NSUN6: variants seen among roughly 807,000 people sequenced by gnomAD.
NSUN6 encodes tRNA (cytosine(72)-C(5))-methyltransferase NSUN6.
NSUN6 carries 64 observed loss-of-function variants against 58.0 expected under a neutral mutation model. That is an observed-to-expected ratio of 1.10 (90% CI 0.90 to 1.36). NSUN6 has a LOEUF of 1.36. Among genes scored for constraint, NSUN6 ranks in the 40% most tolerant of loss-of-function variants. The pLI, the probability that NSUN6 is intolerant of heterozygous loss-of-function variation, is 0.00. For synonymous variants in NSUN6, 231 were observed against 193.9 expected, an observed-to-expected ratio of 1.19 and a Z score of -1.59; for missense variants, 701 against 550.1, an observed-to-expected ratio of 1.27 and a Z score of -2.74.
chr10:18,622,531 T>C (rs554349357), intron 3 of NSUN6, among the ~76,000 whole-genome samples: 56 of 152,270 alleles, frequency 3.7e-4, no homozygotes, highest in African/African-American at 1.3e-3. Context: ...CTGGCCAACA[T>C]GGTGAAACCC....
intron 8 of NSUN6, among the ~76,000 whole-genome samples, chr10:18,556,197 G>A (rs1281884372): frequency 6.6e-6 from 1 of 150,518 alleles, no homozygotes; most frequent in African/African-American, 2.4e-5. Flanking sequence ...ATGGAATGAA[G>A]AATGAAGAAT....
chr10:18,636,965 T>TC (rs1469071041), intron 3 of NSUN6, among the ~76,000 whole-genome samples: 1 of 9,180 alleles, frequency 1.1e-4, no homozygotes, highest in African/African-American at 4.3e-4. Context: ...GGAATTGACT[T>TC]TTTTTTTTTT....
Position 18,546,099 on chromosome 10 carries a change from C to G in NSUN6, c.1244G>C (p.Cys415Ser), listed in dbSNP as rs754536394. 1.9e-6 allele frequency: 3 copies of G among 1,612,988 alleles called. No homozygotes were observed. Among genetic ancestry groups the G allele is most frequent in the Non-Finnish European group, 2.5e-6 (3 of 1,179,598 alleles). ...GEGMRGAGLSCEQLKQLQRFD... is the reference protein window; with the variant it reads ...GEGMRGAGLSSEQLKQLQRFD... ...TCGCTGCAGCTGTTTCAACTGTTCA[C>G]ATGAGAGCCCAGCTCCCCTCATTCC... Residue 415 changes from cysteine (C) to serine (S), a missense_variant, in exon 11 of 11, where the codon TGT (cysteine) becomes TCT (serine). Transcript: ENST00000377304.
intron 3 of NSUN6, among the ~76,000 whole-genome samples, chr10:18,637,310 A>C (rs1253453045): frequency 6.6e-6 from 1 of 152,122 alleles, no homozygotes; most frequent in African/African-American, 2.4e-5. Flanking sequence ...ATCCTAAATA[A>C]TTTTTTCAAG....
intron 6 of NSUN6, among the ~76,000 whole-genome samples, chr10:18,598,751 C>G (rs1199140757): frequency 1.3e-5 from 2 of 152,154 alleles, no homozygotes; most frequent in Non-Finnish European, 2.9e-5. Flanking sequence ...CAGGAGTGAG[C>G]CAGTATACCT....
chr10:18,636,564 C>G (rs12774519), intron 3 of NSUN6, among the ~76,000 whole-genome samples: 30,161 of 151,770 alleles, frequency 0.2, 3,274 homozygotes, highest in South Asian at 0.31. Flanking sequence ...AATTTAACTC[C>G]AGGAACCTCC....
intron 7 of NSUN6, among the ~76,000 whole-genome samples, chr10:18,590,230 C>A (rs2057327026): frequency 6.6e-6 from 1 of 152,062 alleles, no homozygotes; most frequent in Non-Finnish European, 1.5e-5. Context: ...ATATATGCAC[C>A]CAATACAGGA....
At chr10:18,653,243 A>G (rs1045225940), upstream of NSUN6, 3 of 984,252 alleles carry the variant, frequency 3.0e-6, no homozygotes, top group African/African-American at 5.2e-5. Flanking sequence ...TGGGCACTCA[A>G]ATACTTACTG....
At chr10:18,609,668 A>C (rs2058163303) in intron 6 of NSUN6, among the ~76,000 whole-genome samples, 177 bp downstream of exon 6, 1 of 152,188 alleles carries the variant, frequency 6.6e-6, no homozygotes, top group Non-Finnish European at 1.5e-5. Context: ...TCAAATGAGA[A>C]AAAGAAAAGA....
chr10:18,554,820 G>C (rs969680053), intron 8 of NSUN6, among the ~76,000 whole-genome samples: 1 of 151,526 alleles, frequency 6.6e-6, no homozygotes, highest in Non-Finnish European at 1.5e-5. Flanking sequence ...GAATAGAATG[G>C]TATGGAATGG....
chr10:18,639,753 G>C (rs1367021507), intron 3 of NSUN6, among the ~76,000 whole-genome samples: 1 of 152,180 alleles, frequency 6.6e-6, no homozygotes, highest in Non-Finnish European at 1.5e-5. Context: ...AATAATTAAA[G>C]TTAAATCATC....
rs548833826 is a variant in NSUN6, at chr10:18,645,334, T to C, written c.232-2779A>G. Among the ~76,000 whole-genome samples, 8 of 152,268 alleles carry C rather than the reference T, an allele frequency of 5.3e-5. No individual in the cohort carries two copies. The South Asian group carries it at 1.7e-3, about 32-fold the overall frequency. On this transcript the variant is annotated intron_variant, in intron 2 of 10. Transcript: ENST00000377304. ...AAACTGTTTCCTGCACAAAATTATA[T>C]AAAATATTGTATAAAATTACCTTCA...
chr10:18,595,377 C>A (rs1471279737), intron 7 of NSUN6, among the ~76,000 whole-genome samples: 3 of 152,288 alleles, frequency 2.0e-5, no homozygotes, highest in Admixed American at 2.0e-4. Flanking sequence ...TACCTTTAAG[C>A]AAATACGATA....
intron 6 of NSUN6, among the ~76,000 whole-genome samples, chr10:18,596,539 G>C (rs536079112): frequency 6.6e-6 from 1 of 152,056 alleles, no homozygotes; most frequent in Non-Finnish European, 1.5e-5. Context: ...AACCACCTGC[G>C]CAAAAATATA....
chr10:18,550,769 G>C (rs2054549989), intron 9 of NSUN6, among the ~76,000 whole-genome samples: 1 of 148,784 alleles, frequency 6.7e-6, no homozygotes, highest in Non-Finnish European at 1.5e-5. Context: ...CTGTTGCCCA[G>C]GCTGGAGTGC....
intron 5 of NSUN6, among the ~76,000 whole-genome samples, chr10:18,612,896 C>T (rs2058286205): frequency 6.6e-6 from 1 of 152,062 alleles, no homozygotes; most frequent in Non-Finnish European, 1.5e-5. Flanking sequence ...ATTCAACCCA[C>T]CTGGAATTCA....
chr10:18,598,830 T>C (rs2131230549), intron 6 of NSUN6, among the ~76,000 whole-genome samples: 1 of 152,308 alleles, frequency 6.6e-6, no homozygotes, highest in Non-Finnish European at 1.5e-5. Flanking sequence ...AATACACGTT[T>C]AAAGCGGCTA....
rs2059314340 is a variant in NSUN6 at position 18,639,066 on chromosome 10, G to A, written c.311+3410C>T. Among the ~76,000 whole-genome samples the A allele has an allele frequency of 2.6e-5, 4 of 151,662 alleles. No individual in the cohort carries two copies. The South Asian group carries it at 6.2e-4, about 24-fold the overall frequency. On this transcript the variant is annotated intron_variant, in intron 3 of 10. Transcript: ENST00000377304. ...GCTCAGGAGTTTGAGACCAGCTTGG[G>A]CAACACGGCGAGACCTCGTCTCAAA...
chr10:18,589,042 T>C (rs1454702989), intron 7 of NSUN6, among the ~76,000 whole-genome samples: 1 of 152,166 alleles, frequency 6.6e-6, no homozygotes, highest in African/African-American at 2.4e-5. Context: ...CAGGAATGGC[T>C]AACTAAAATA....
Sources: gnomAD v4.1 joint callset for allele counts (sites outside exome capture counted in the v4.1 genomes callset) on GRCh38, gnomAD v4.1.1 for gene constraint, MANE v1.5 for transcripts, NCBI Gene and HGNC (gene_info 2026-07-23, HGNC 2026-07-21) for gene names.